ING4: variants seen among roughly 807,000 people sequenced by gnomAD.
The protein encoded by ING4 is inhibitor of growth family member 4.
ING4 carries 28 observed loss-of-function variants against 33.1 expected under a neutral mutation model. The ratio of observed to expected loss-of-function variants is 0.85; its 90% CI spans 0.63 to 1.16. The LOEUF is 1.16. Among genes scored for constraint, ING4 ranks in the 50% most tolerant of loss-of-function variants. The pLI, the probability that ING4 is intolerant of heterozygous loss-of-function variation, is 0.00. For missense variants in ING4, 247 were observed against 314.7 expected, an observed-to-expected ratio of 0.78 and a Z score of 1.63; for synonymous variants, 87 against 104.4, an observed-to-expected ratio of 0.83 and a Z score of 1.02.
chr12:6,651,201 C>A lies in ING4; in HGVS notation c.741G>T (p.Lys247Asn), dbSNP rs76327967. Residue 247 changes from lysine to asparagine, a missense_variant, in exon 8 of 8, where the codon AAG becomes AAT. Lys to Asn is a moderately conservative substitution (Grantham distance 94). Coordinates refer to ENST00000341550, the MANE Select transcript of ING4 (RefSeq NM_016162.4). ...FCPRCSQERK[K>N]K ...TGGAATCCAAGGCCCTTATCTATTT[C>A]TTCTTCCGTTCTTGGGAGCAGCGTG... The A allele has an allele frequency of 6.2e-7, 1 of 1,614,154 alleles. No homozygotes were observed.
At chr12:6,660,939 T>C (rs2136284132) in intron 1 of ING4, among the ~76,000 whole-genome samples, 1 of 151,454 alleles carries the variant, frequency 6.6e-6, no homozygotes, top group Non-Finnish European at 1.5e-5. Context: ...ATTACAGGCG[T>C]CTGCCACCAC....
chr12:6,656,593 T>G (rs942699363), intron 2 of ING4, 134 bp downstream of exon 2: 6 of 654,006 alleles, frequency 9.2e-6, no homozygotes, highest in Non-Finnish European at 1.6e-5. Context: ...GTTTTAAGAA[T>G]TCCAAGAGCG....
At chr12:6,659,762 G>A (rs1162052854) in intron 1 of ING4, among the ~76,000 whole-genome samples, 9 of 150,280 alleles carry the variant, frequency 6.0e-5, no homozygotes, top group South Asian at 2.1e-4. Context: ...TCAGTGAGCC[G>A]AGATCGCTCC....
chr12:6,652,403 C>A lies in ING4; in HGVS notation c.513G>T (p.Gly171=), dbSNP rs371654809. The A allele has an allele frequency of 1.2e-6, 2 of 1,613,914 alleles. No individual in the cohort carries two copies. Among genetic ancestry groups the A allele is most frequent in the African/African-American group, 1.3e-5 (1 of 74,884 alleles). The stretch of plus-strand genomic sequence containing the variant: ...CACTGCCAAAGGTCACTGAGGGCAT[C>A]CCATACTCAGGACTTCTGCATGCCA... ...LKLVRTSPEY[G]MPSVTFGSVH... Residue 171 remains glycine (G), a synonymous_variant, in exon 6 of 8, where the codon GGG becomes GGT. Coordinates refer to ENST00000341550, the MANE Select transcript of ING4 (RefSeq NM_016162.4).
intron 2 of ING4, among the ~76,000 whole-genome samples, chr12:6,656,229 C>T (rs539511355): frequency 4.0e-5 from 6 of 149,914 alleles, no homozygotes; most frequent in Non-Finnish European, 5.9e-5. Context: ...AGTGCAGTGA[C>T]ATGTGGCATG....
At chr12:6,654,315 T>C (rs1949279901) in intron 2 of ING4, among the ~76,000 whole-genome samples, 1 of 151,642 alleles carries the variant, frequency 6.6e-6, no homozygotes. Context: ...CTTATCTTAC[T>C]GCTCACTCTA....
Position 6,655,642 on chromosome 12 carries a change from C to T in ING4, c.109+1085G>A, listed in dbSNP as rs79942815. 6.7e-3 allele frequency: 7,657 copies of T among 1,143,026 alleles called. 428 individuals are homozygous for T. The African/African-American group carries it at 0.11, about 17-fold the overall frequency. 70.8% of individuals were successfully genotyped at this position (1,143,026 alleles called of 1,614,324 possible). A position where few individuals can be genotyped will look rare whatever the true frequency, so the allele number is the denominator to read the frequency against. ...AAAAAGCAATCTGGTTCTCACCATT[C>T]GGCAGGCAGTTCTCAGGGAACTGTG... On this transcript the variant is annotated intron_variant, in intron 2 of 7. Coordinates refer to ENST00000341550, the MANE Select transcript of ING4 (RefSeq NM_016162.4).
intron 1 of ING4, among the ~76,000 whole-genome samples, chr12:6,657,450 A>G (rs1949396189): frequency 6.6e-6 from 1 of 151,884 alleles, no homozygotes; most frequent in Non-Finnish European, 1.5e-5. Context: ...CTCCATCTCA[A>G]ACAAACAAAC....
intron 1 of ING4, 111 bp downstream of exon 1, chr12:6,662,954 G>C: frequency 8.4e-7 from 1 of 1,188,308 alleles, no homozygotes; most frequent in Non-Finnish European, 1.2e-6. Flanking sequence ...CCACAGAACC[G>C]CTTCATAATT....
rs150080565 is a variant in ING4, at chr12:6,652,702, C to A, written c.457G>T (p.Ala153Ser). The A allele has an allele frequency of 1.2e-6, 2 of 1,614,132 alleles. No individual in the cohort carries two copies. Among genetic ancestry groups the A allele is most frequent in the Admixed American group, 1.7e-5 (1 of 60,018 alleles). ...AACTTCTTCTGGGCAGTCTTGGGGG[C>A]TTCTTCATCCGAGTTTTTCCCTTTG... Reference protein sequence around the residue: ...RSKGKNSDEEAPKTAQKKLKL... With the variant: ...RSKGKNSDEESPKTAQKKLKL... Residue 153 changes from alanine (A) to serine (S), a missense_variant, in exon 5 of 8, where the codon GCC (alanine) becomes TCC (serine). Transcript: ENST00000341550.
At chr12:6,656,279 G>A (rs891415244) in intron 2 of ING4, among the ~76,000 whole-genome samples, 9 of 151,458 alleles carry the variant, frequency 5.9e-5, no homozygotes, top group Non-Finnish European at 1.3e-4. Flanking sequence ...AGGTTCAAAC[G>A]ATTCTCACGT....
chr12:6,655,494 G>T (rs1592323093), intron 2 of ING4: 2 of 492,200 alleles, frequency 4.1e-6, no homozygotes, highest in East Asian at 2.5e-4. Flanking sequence ...AGGAGGATCT[G>T]TGAAGACACT....
chr12:6,660,681 C>CTTCAGGT (rs1949519979), intron 1 of ING4, among the ~76,000 whole-genome samples: 1 of 152,040 alleles, frequency 6.6e-6, no homozygotes, highest in Admixed American at 6.6e-5. Flanking sequence ...CTGTTTAAAC[C>CTTCAGGT]TACAACTTCA....
At chr12:6,652,560 G>T in intron 5 of ING4, 102 bp downstream of exon 5, 1 of 1,370,216 alleles carries the variant, frequency 7.3e-7, no homozygotes, top group Non-Finnish European at 1.0e-6. Context: ...AAGAGTTCTT[G>T]GCGCAGACAT....
At chr12:6,651,876 G>A (rs1592315153) in intron 6 of ING4, among the ~76,000 whole-genome samples, 1 of 122,306 alleles carries the variant, frequency 8.2e-6, no homozygotes, top group East Asian at 2.4e-4. Context: ...TTTTGAGACA[G>A]AGTCTTGCTC....
chr12:6,654,747 C>G (rs534776606), intron 2 of ING4, among the ~76,000 whole-genome samples: 4 of 151,838 alleles, frequency 2.6e-5, no homozygotes, highest in African/African-American at 9.7e-5. Context: ...TGTTTTGAGA[C>G]GGAGTCACGC....
chr12:6,653,125 A>T, intron 3 of ING4, 75 bp from the exon 4 acceptor site: 1 of 1,593,988 alleles, frequency 6.3e-7, no homozygotes, highest in Non-Finnish European at 8.6e-7. Context: ...GGCAGAGTTT[A>T]TGGATCTCAC....
Position 6,651,346 on chromosome 12 carries a change from T to A in ING4, c.685A>T (p.Thr229Ser), listed in dbSNP as rs1592313784. The A allele has an allele frequency of 1.9e-6, 3 of 1,614,140 alleles. No individual in the cohort carries two copies. The East Asian group carries it at 6.7e-5, about 36-fold the overall frequency. The part of the protein sequence containing the change: ...EWFHFACVGL[T>S]TKPRGKWFCP... ...TACCATTTCCCCCGAGGCTTGGTTG[T>A]CAGCCCCACACAGGCAAAATGGAAC... The change falls in exon 7 of 8, where the codon ACA (threonine) becomes TCA (serine). Residue 229 changes from threonine to serine, a missense_variant. Around this residue, in one of 3 missense-constraint regions of ING4, gnomAD observed 38 missense variants for 49.7 expected, o/e 0.77. Transcript: ENST00000341550.
chr12:6,651,304 C>T lies in ING4; in HGVS notation c.707+20G>A, dbSNP rs776998174. The stretch of plus-strand genomic sequence containing the variant: ...CCCTTGACCACTCAACTTAGGGACC[C>T]TCCAACTCCTGCCACTTACCATTTC... On this transcript the variant is annotated intron_variant, in intron 7 of 7. Transcript: ENST00000341550. 1 of 1,614,152 alleles carries T rather than the reference C, an allele frequency of 6.2e-7. No individual in the cohort carries two copies. Among genetic ancestry groups the T allele is most frequent in the Admixed American group, 1.7e-5 (1 of 60,030 alleles).
Sources: allele counts gnomAD v4.1 joint callset (sites outside exome capture counted in the v4.1 genomes callset), GRCh38; gene constraint gnomAD v4.1.1; regional missense constraint gnomAD v4.1.1; transcripts MANE v1.5; gene names NCBI Gene and HGNC (gene_info 2026-07-23, HGNC 2026-07-21).